DYSF: variants seen among roughly 807,000 people sequenced by gnomAD.
DYSF encodes dysferlin.
A neutral mutation model predicts 274.9 loss-of-function variants in DYSF; 212 were observed. The observed-to-expected ratio is 0.77, with a 90% CI of 0.69 to 0.86. The LOEUF (loss-of-function observed/expected upper bound fraction) is 0.86, where lower values mean the gene tolerates loss of function less well. DYSF is among the 40% of genes least tolerant of loss of function. The pLI is 0.00. For missense variants in DYSF, 2,666 were observed against 2,783.2 expected, an observed-to-expected ratio of 0.96 and a Z score of 0.95; for synonymous variants, 1,091 against 1,078.7, an observed-to-expected ratio of 1.01 and a Z score of -0.22.
intron 41 of DYSF, among the ~76,000 whole-genome samples, chr2:71,621,282 C>T (rs11897583): frequency 0.71 from 108,630 of 151,956 alleles, 40,956 homozygotes; most frequent in East Asian, 0.87. Context: ...CTAAAGGCAG[C>T]GAGTTACATT....
At chr2:71,638,037 G>T (rs1241962359) in intron 41 of DYSF, among the ~76,000 whole-genome samples, 1 of 152,034 alleles carries the variant, frequency 6.6e-6, no homozygotes, top group African/African-American at 2.4e-5. Flanking sequence ...AAGGAAGAGG[G>T]AATTGCAGCC....
At chr2:71,610,561 T>A (rs1231448527) in intron 36 of DYSF, among the ~76,000 whole-genome samples, 3 of 152,216 alleles carry the variant, frequency 2.0e-5, no homozygotes, top group Non-Finnish European at 2.9e-5. Flanking sequence ...TGGCAAACTC[T>A]TAGTAGGCCA....
rs375068646 is a variant in DYSF, at chr2:71,664,359, G to A, written c.5095G>A (p.Gly1699Ser). 5.0e-5 allele frequency: 81 copies of A among 1,614,056 alleles called. No individual in the cohort carries two copies. Among genetic ancestry groups the A allele is most frequent in the Non-Finnish European group, 5.5e-5 (65 of 1,180,034 alleles). The change falls in exon 46 of 56, where the codon GGT becomes AGT. Residue 1699 changes from glycine (G) to serine (S), a missense_variant. By Grantham distance (56) the Gly-to-Ser change is moderately conservative. Transcript: ENST00000410020. The stretch of plus-strand genomic sequence containing the variant: ...CCTCCTCTCCAAGGACGAAAAGATC[G>A]GTGAGACGGTCGTCGACCTGGAGAA... ...YDLLSKDEKI[G>S]ETVVDLENRL...
At chr2:71,626,354 T>C (rs1389404294) in intron 41 of DYSF, among the ~76,000 whole-genome samples, 18 of 151,516 alleles carry the variant, frequency 1.2e-4, no homozygotes, top group Admixed American at 1.2e-3. Context: ...GTTTTTAAAG[T>C]ATCCATCGAA....
At chr2:71,574,618 G>A (rs1054744214) in intron 30 of DYSF, among the ~76,000 whole-genome samples, 3 of 152,244 alleles carry the variant, frequency 2.0e-5, no homozygotes, top group East Asian at 1.9e-4. Context: ...ACTTTGAGGT[G>A]TCAAGATGAA....
At chr2:71,632,976 T>G (rs2094340083) in intron 41 of DYSF, among the ~76,000 whole-genome samples, 1 of 152,130 alleles carries the variant, frequency 6.6e-6, no homozygotes, top group Non-Finnish European at 1.5e-5. Flanking sequence ...AATTCAGCAT[T>G]TTGGTTAAAG....
intron 4 of DYSF, among the ~76,000 whole-genome samples, chr2:71,503,536 A>C (rs1168015639): frequency 1.3e-5 from 2 of 152,130 alleles, no homozygotes; most frequent in Non-Finnish European, 2.9e-5. Flanking sequence ...TGCAGGGCTC[A>C]AGTCAGCCTT....
rs529344853 is a variant in DYSF at position 71,560,674 on chromosome 2, GCGGCGGTGCCGCTGCGCTC to G, written c.2217-1070_2217-1052del. Among the ~76,000 whole-genome samples the G allele has an allele frequency of 9.1e-4, 138 of 152,352 alleles. 1 individual carries two copies. The highest frequency in any genetic ancestry group is 3.2e-3 in the African/African-American group (135 of 41,576). ...GCCTGCCAGAGCGGTGTATCTGGCG[GCGGCGGTGCCGCTGCGCTC>G]CGGCGGTAATTGGTTCTGCATAGCT... On this transcript the variant is annotated intron_variant, in intron 22 of 55. Coordinates refer to ENST00000410020, the MANE Select transcript of DYSF (RefSeq NM_001130987.2).
At chr2:71,547,612 G>C (rs1451435361) in intron 17 of DYSF, among the ~76,000 whole-genome samples, 1 of 152,194 alleles carries the variant, frequency 6.6e-6, no homozygotes, top group African/African-American at 2.4e-5. Flanking sequence ...GTGCTCCAGT[G>C]TGGGCAACAA....
chr2:71,588,264 G>A (rs1017707647), intron 30 of DYSF, among the ~76,000 whole-genome samples: 6 of 152,296 alleles, frequency 3.9e-5, no homozygotes, highest in Admixed American at 1.3e-4. Flanking sequence ...TCAGGCCACC[G>A]AAGGATTCAG....
intron 16 of DYSF, 140 bp downstream of exon 16, chr2:71,535,451 A>T: frequency 1.1e-6 from 1 of 894,192 alleles, no homozygotes; most frequent in Non-Finnish European, 1.9e-6. Flanking sequence ...TGGGGTAGCC[A>T]GGGATGGAGA....
chr2:71,527,584 G>A (rs1238776293), intron 13 of DYSF, among the ~76,000 whole-genome samples: 2 of 58,346 alleles, frequency 3.4e-5, no homozygotes, highest in South Asian at 3.1e-4. Flanking sequence ...TCCCTGCAAC[G>A]TTGTTTGAAA....
chr2:71,533,145 G>A (rs557182916), intron 14 of DYSF, among the ~76,000 whole-genome samples: 30 of 152,126 alleles, frequency 2.0e-4, no homozygotes, highest in Admixed American at 4.6e-4. Context: ...TTGGTCTCCT[G>A]AGTAGCTGGT....
At chr2:71,672,517 G>GGCT (rs2095144637) in intron 51 of DYSF, among the ~76,000 whole-genome samples, 1 of 152,206 alleles carries the variant, frequency 6.6e-6, no homozygotes, top group Non-Finnish European at 1.5e-5. Flanking sequence ...GCCCCGGCCA[G>GGCT]GCTCCCCACC....
chr2:71,518,845 T>A (rs977813669), intron 10 of DYSF, among the ~76,000 whole-genome samples: 2 of 151,816 alleles, frequency 1.3e-5, no homozygotes, highest in African/African-American at 4.8e-5. Flanking sequence ...GTGATCCCAG[T>A]GCTTTGGGAG....
At chr2:71,670,634 C>T (rs929254833) in intron 51 of DYSF, among the ~76,000 whole-genome samples, 19 of 152,184 alleles carry the variant, frequency 1.2e-4, no homozygotes, top group Non-Finnish European at 1.2e-4. Context: ...TTGGGGACCT[C>T]GGTCTCTGTG....
At chr2:71,523,797 G>A (rs1432803654) in intron 12 of DYSF, among the ~76,000 whole-genome samples, 3 of 151,992 alleles carry the variant, frequency 2.0e-5, no homozygotes, top group East Asian at 1.9e-4. Flanking sequence ...CACTCGCCTC[G>A]GCCTCCCAAA....
chr2:71,683,991 C>T (rs1366376265), intron 55 of DYSF, among the ~76,000 whole-genome samples: 1 of 152,232 alleles, frequency 6.6e-6, no homozygotes, highest in African/African-American at 2.4e-5. Context: ...GACCAGCTAC[C>T]ATCTGGGCCA....
chr2:71,521,084 G>A (rs1320210267), intron 12 of DYSF, among the ~76,000 whole-genome samples, 180 bp downstream of exon 12: 1 of 152,146 alleles, frequency 6.6e-6, no homozygotes, highest in Non-Finnish European at 1.5e-5. Context: ...TGGGTGCAAG[G>A]TATTAATAAA....
Sources: gnomAD v4.1 joint callset for allele counts (sites outside exome capture counted in the v4.1 genomes callset) on GRCh38, gnomAD v4.1.1 for gene constraint, MANE v1.5 for transcripts, NCBI Gene and HGNC (gene_info 2026-07-23, HGNC 2026-07-21) for gene names.